The following SUGCT variants were observed in gnomAD, a reference collection of about 807,000 sequenced individuals.
SUGCT encodes the protein succinyl-CoA:glutarate CoA-transferase.
A neutral mutation model predicts 55.0 loss-of-function variants in SUGCT; 41 were observed. The observed-to-expected ratio is 0.74, with a 90% CI of 0.58 to 0.97. SUGCT has a LOEUF of 0.97. Ranked by LOEUF, SUGCT falls within the 50% of genes least tolerant of loss-of-function variation. SUGCT has a pLI of 0.00. For missense variants in SUGCT, 568 were observed against 547.8 expected (o/e 1.04, Z -0.37); for synonymous variants, 187 against 200.4 (o/e 0.93, Z 0.56).
Position 40,528,268 on chromosome 7 carries a change from G to T in SUGCT, c.1089+31882G>T, listed in dbSNP as rs546363715. 2.7e-4 allele frequency among the ~76,000 whole-genome samples: 41 copies of T among 152,174 alleles called. No homozygotes were observed. In the South Asian group the frequency reaches 6.6e-3, roughly 25 times the overall value. Reference sequence around the variant, plus strand: ...ACTAGACTACTTAGTTTGACTTATTGTTCCCCCTAGAGAGGAAAGATTACA... The same window carrying T: ...ACTAGACTACTTAGTTTGACTTATTTTTCCCCCTAGAGAGGAAAGATTACA... On this transcript the variant is annotated intron_variant, in intron 12 of 13. Coordinates refer to ENST00000335693, the MANE Select transcript of SUGCT (RefSeq NM_001193313.2).
chr7:40,238,946 G>A (rs999633901), intron 7 of SUGCT, among the ~76,000 whole-genome samples: 4 of 151,222 alleles, frequency 2.6e-5, no homozygotes, highest in South Asian at 2.1e-4. Flanking sequence ...TCAGCCTCCC[G>A]AGTAGCTGAG....
intron 6 of SUGCT, among the ~76,000 whole-genome samples, chr7:40,197,660 A>G (rs184759143): frequency 6.6e-6 from 1 of 152,234 alleles, no homozygotes; most frequent in Non-Finnish European, 1.5e-5. Flanking sequence ...CTCCCAATGC[A>G]TCTGCTAACA....
chr7:40,876,420 G>A, the SUGCT span, among the ~76,000 whole-genome samples: 1 of 152,138 alleles, frequency 6.6e-6, no homozygotes, highest in African/African-American at 2.4e-5. Flanking sequence ...TCTTACAGCT[G>A]TCTGTCAATT....
intron 13 of SUGCT, among the ~76,000 whole-genome samples, chr7:40,796,073 C>T (rs1441621614): frequency 1.3e-5 from 2 of 152,048 alleles, no homozygotes; most frequent in Non-Finnish European, 2.9e-5. Context: ...GGATCCTAGA[C>T]CTCAAAGTTC....
rs144924391 is a variant in SUGCT, at chr7:40,306,311, C to T, written c.721-10449C>T. ...TCCTTTGTTTTTGCATGACTAAATT[C>T]TCTTTATCAAAAAATGTTAGCTCGA... is the stretch of plus-strand genomic sequence containing the variant. On this transcript the variant is annotated intron_variant, in intron 8 of 13. Transcript: ENST00000335693. Among the ~76,000 whole-genome samples the T allele has an allele frequency of 8.0e-3, 1,224 of 152,262 alleles. 8 individuals are homozygous for T. Among genetic ancestry groups the T allele is most frequent in the African/African-American group, 0.028 (1,145 of 41,550 alleles).
intron 9 of SUGCT, among the ~76,000 whole-genome samples, chr7:40,373,406 A>G (rs562407616): frequency 4.4e-4 from 3 of 6,844 alleles, no homozygotes; most frequent in Non-Finnish European, 1.4e-3. Context: ...AATGAAAAGT[A>G]TCCTAAAACT....
In SUGCT at chr7:40,722,923, A is replaced by G. The variant is rs1786421916; in HGVS notation, c.1090-26511A>G. Among the ~76,000 whole-genome samples, 4 of 152,278 alleles carry G rather than the reference A, an allele frequency of 2.6e-5. No individual in the cohort carries two copies. In the South Asian group the frequency reaches 8.3e-4, roughly 32 times the overall value. ...ATCATAAACAACATCTGTACTCTCA[A>G]GTTATGTTTGCCATCTGAAATGAAT... On this transcript the variant is annotated intron_variant, in intron 12 of 13. Coordinates refer to ENST00000335693, the MANE Select transcript of SUGCT (RefSeq NM_001193313.2).
At chr7:40,296,520 A>G (rs561628553) in intron 8 of SUGCT, among the ~76,000 whole-genome samples, 1 of 152,288 alleles carries the variant, frequency 6.6e-6, no homozygotes, top group South Asian at 2.1e-4. Flanking sequence ...TAGTAGGAGA[A>G]TATTTTAATT....
intron 11 of SUGCT, among the ~76,000 whole-genome samples, chr7:40,462,277 A>T (rs1329728364): frequency 2.0e-5 from 3 of 152,274 alleles, no homozygotes; most frequent in East Asian, 3.9e-4. Flanking sequence ...GATGAATTCC[A>T]GGCAGAGTTT....
intron 12 of SUGCT, among the ~76,000 whole-genome samples, chr7:40,726,498 A>G (rs1786619721): frequency 1.3e-5 from 2 of 152,138 alleles, no homozygotes; most frequent in South Asian, 4.1e-4. Flanking sequence ...AAACCCATGC[A>G]TAAGTGGATC....
At chr7:40,706,708 C>T (rs1787457156) in intron 12 of SUGCT, among the ~76,000 whole-genome samples, 1 of 152,180 alleles carries the variant, frequency 6.6e-6, no homozygotes, top group Non-Finnish European at 1.5e-5. Context: ...TGGGGACAGC[C>T]AGCCTTGTTC....
chr7:40,956,161 G>T, the SUGCT span, among the ~76,000 whole-genome samples: 11 of 152,212 alleles, frequency 7.2e-5, 1 homozygote, highest in South Asian at 2.3e-3. Context: ...TTAGGGAGGA[G>T]TTCCTCTTTT....
At chr7:40,830,011 T>C (rs1792569179) in intron 13 of SUGCT, among the ~76,000 whole-genome samples, 1 of 152,172 alleles carries the variant, frequency 6.6e-6, no homozygotes, top group African/African-American at 2.4e-5. Flanking sequence ...AGGACAACAA[T>C]TTGATTCTTT....
chr7:40,275,658 T>A (rs1792419217), intron 8 of SUGCT, among the ~76,000 whole-genome samples: 1 of 152,178 alleles, frequency 6.6e-6, no homozygotes, highest in Non-Finnish European at 1.5e-5. Flanking sequence ...AATAAAATGC[T>A]AAATTTTAGA....
chr7:40,287,866 T>C (rs1324523385), intron 8 of SUGCT, among the ~76,000 whole-genome samples: 1 of 152,198 alleles, frequency 6.6e-6, no homozygotes, highest in African/African-American at 2.4e-5. Context: ...GTTTTTATCA[T>C]GAAAGAGTGT....
At chr7:40,328,730 T>TATGTGTGTGTATGTGTGTGC (rs1391642613) in intron 9 of SUGCT, among the ~76,000 whole-genome samples, 1 of 151,966 alleles carries the variant, frequency 6.6e-6, no homozygotes, top group Non-Finnish European at 1.5e-5. Flanking sequence ...TGTGTGTGTG[T>TATGTGTGTGTATGTGTGTGC]ATGTGTGTGT....
At chr7:40,848,428 T>A (rs1336193935) in intron 13 of SUGCT, among the ~76,000 whole-genome samples, 4 of 152,160 alleles carry the variant, frequency 2.6e-5, no homozygotes, top group Non-Finnish European at 5.9e-5. Flanking sequence ...GCTCGTGTTT[T>A]TCCTGGATGT....
intron 11 of SUGCT, among the ~76,000 whole-genome samples, chr7:40,488,437 G>A (rs774856472): frequency 6.6e-6 from 1 of 151,868 alleles, no homozygotes; most frequent in Non-Finnish European, 1.5e-5. Flanking sequence ...ATTCTTTAAC[G>A]AATTATCATA....
At chr7:40,996,479 A>G in the SUGCT span, among the ~76,000 whole-genome samples, 12 of 152,278 alleles carry the variant, frequency 7.9e-5, no homozygotes, top group African/African-American at 2.9e-4. Context: ...AATCATGTAC[A>G]CACTGCAAGA....
Sources: allele counts gnomAD v4.1 joint callset (sites outside exome capture counted in the v4.1 genomes callset), GRCh38; gene constraint gnomAD v4.1.1; transcripts MANE v1.5; gene names NCBI Gene and HGNC (gene_info 2026-07-23, HGNC 2026-07-21).